Variants in IL19 observed in about 807,000 individuals in gnomAD.
IL19 encodes the protein interleukin 19.
In IL19, 15 loss-of-function variants were observed where a neutral mutation model predicts 19.5. The observed-to-expected ratio is 0.77, with a 90% CI of 0.52 to 1.19. The LOEUF (loss-of-function observed/expected upper bound fraction) is 1.19, where lower values mean the gene tolerates loss of function less well. Among genes scored for constraint, IL19 ranks in the 50% most tolerant of loss-of-function variants. The pLI is 0.00. For synonymous variants in IL19, 78 were observed against 78.3 expected (o/e 1.00, Z 0.02); for missense variants, 199 against 213.1 (o/e 0.93, Z 0.41).
chr1:206,842,123 C>T (rs1325339473), intron 6 of IL19, among the ~76,000 whole-genome samples: 2 of 152,154 alleles, frequency 1.3e-5, no homozygotes, highest in African/African-American at 2.4e-5. Flanking sequence ...GGACAACATG[C>T]TCTCCCTACC....
At chr1:206,803,887 C>T (rs1266997742) in intron 2 of IL19, among the ~76,000 whole-genome samples, 1 of 152,178 alleles carries the variant, frequency 6.6e-6, no homozygotes, top group South Asian at 2.1e-4. Context: ...GGACTCTGTG[C>T]AAAGCCCCCT....
intron 1 of IL19, among the ~76,000 whole-genome samples, chr1:206,793,137 C>T (rs1675444827): frequency 6.6e-6 from 1 of 152,252 alleles, no homozygotes; most frequent in Non-Finnish European, 1.5e-5. Flanking sequence ...TGACAATCCT[C>T]AGGGTTGGTC....
rs1285945244 is a variant in IL19, at chr1:206,835,255, G to A, written c.-2-1406G>A. Among the ~76,000 whole-genome samples the A allele has an allele frequency of 2.0e-5, 3 of 152,190 alleles. No individual in the cohort carries two copies. In the East Asian group the frequency reaches 5.8e-4, roughly 29 times the overall value. ...TCTAGAAGCACCCCAGTAGCGTTCT[G>A]AGGAGACAGAGCTCTGGGGGACTCT... is the stretch of plus-strand genomic sequence containing the variant. On this transcript the variant is annotated intron_variant, in intron 2 of 6. Transcript: ENST00000659997.
intron 1 of IL19, among the ~76,000 whole-genome samples, chr1:206,796,106 T>C (rs897938815): frequency 1.3e-5 from 2 of 152,056 alleles, no homozygotes; most frequent in African/African-American, 4.8e-5. Flanking sequence ...TAGATTCTAG[T>C]TCAGGTCTGA....
chr1:206,823,750 CG>C (rs1265528087), intron 2 of IL19, among the ~76,000 whole-genome samples: 1 of 152,104 alleles, frequency 6.6e-6, no homozygotes, highest in Non-Finnish European at 1.5e-5. Context: ...TAACACTCTC[CG>C]TTGTCTGGAG....
At chr1:206,777,175 G>A (rs554227617) in intron 1 of IL19, among the ~76,000 whole-genome samples, 1,500 of 143,568 alleles carry the variant, frequency 0.01, 21 homozygotes, top group African/African-American at 0.037. Context: ...AGCTTGCAGT[G>A]AGCCGAGATC....
intron 6 of IL19, among the ~76,000 whole-genome samples, chr1:206,841,692 T>C (rs1337811833): frequency 6.6e-6 from 1 of 152,250 alleles, no homozygotes; most frequent in Non-Finnish European, 1.5e-5. Flanking sequence ...GAGTCTGTTA[T>C]GGGCTCTGCT....
chr1:206,837,037 T>C lies in IL19; in HGVS notation c.210+14T>C, dbSNP rs1431542025. On this transcript the variant is annotated intron_variant, in intron 4 of 6. Coordinates refer to ENST00000659997, the MANE Select transcript of IL19 (RefSeq NM_153758.5). ...CAGATCATTAAGGTATTGGCCTGTG[T>C]CTGCTTTTTCCAGTATTTTTATCTT... is the stretch of plus-strand genomic sequence containing the variant. 2 of 1,601,898 alleles carry C rather than the reference T, an allele frequency of 1.2e-6. No individual in the cohort carries two copies. Among genetic ancestry groups the C allele is most frequent in the Non-Finnish European group, 1.7e-6 (2 of 1,169,322 alleles).
intron 2 of IL19, among the ~76,000 whole-genome samples, chr1:206,800,150 T>C (rs1675643582): frequency 6.6e-6 from 1 of 152,246 alleles, no homozygotes; most frequent in African/African-American, 2.4e-5. Context: ...CCAATTTTTA[T>C]TGAGTGCCTT....
intron 4 of IL19, among the ~76,000 whole-genome samples, 180 bp downstream of exon 4, chr1:206,837,203 C>A (rs893314506): frequency 6.6e-6 from 1 of 152,034 alleles, no homozygotes. Flanking sequence ...GGATATGTAA[C>A]CCCTGGGAGG....
Position 206,836,795 on chromosome 1 carries a change from A to C in IL19, c.133A>C (p.Lys45Gln). Residue 45 changes from lysine to glutamine, a missense_variant, in exon 3 of 7, where the codon AAA (lysine) becomes CAA (glutamine). Physicochemically the swap from Lys to Gln is moderately conservative, Grantham distance 53. Transcript: ENST00000659997. ...HHIEESFQEI[K>Q]RAIQAKDTFP... ...TATAGAAGAGAGTTTCCAAGAAATC[A>C]AAAGAGCCATCGTGAGTATGGGTTG... The C allele has an allele frequency of 6.2e-7, 1 of 1,614,168 alleles. No individual in the cohort carries two copies. Among genetic ancestry groups the C allele is most frequent in the South Asian group, 1.1e-5 (1 of 91,074 alleles).
At chr1:206,829,814 C>A (rs1160877521) in intron 2 of IL19, among the ~76,000 whole-genome samples, 14 of 152,140 alleles carry the variant, frequency 9.2e-5, no homozygotes. Context: ...AGCCCATTGA[C>A]ATAAGATGTG....
chr1:206,837,768 C>T (rs770029919), intron 4 of IL19, among the ~76,000 whole-genome samples: 4 of 152,118 alleles, frequency 2.6e-5, no homozygotes, highest in Admixed American at 1.3e-4. Flanking sequence ...GGGAGGATTG[C>T]TTGAGCCTGG....
chr1:206,775,072 GCT>G (rs1264578779), intron 1 of IL19, among the ~76,000 whole-genome samples: 1 of 150,778 alleles, frequency 6.6e-6, no homozygotes, highest in Non-Finnish European at 1.5e-5. Context: ...ACAGAGTCTC[GCT>G]CTGTTGCCCA....
At chr1:206,772,249 G>T in intron 1 of IL19, 1 of 1,608,602 alleles carries the variant, frequency 6.2e-7, no homozygotes, top group South Asian at 1.1e-5. Context: ...AGAGAGAAAG[G>T]ACAGGAAGGA....
intron 1 of IL19, among the ~76,000 whole-genome samples, chr1:206,791,751 G>T (rs1675410070): frequency 6.6e-6 from 1 of 152,160 alleles, no homozygotes; most frequent in African/African-American, 2.4e-5. Flanking sequence ...CTCATCAGAG[G>T]CTCCTTTCTC....
intron 1 of IL19, among the ~76,000 whole-genome samples, chr1:206,784,332 G>T (rs1675214610): frequency 6.6e-6 from 1 of 152,016 alleles, no homozygotes; most frequent in Admixed American, 6.5e-5. Context: ...TGTTCCCCTC[G>T]GCAGGAGCGA....
chr1:206,779,576 A>G (rs925093815), intron 1 of IL19, among the ~76,000 whole-genome samples: 3 of 152,168 alleles, frequency 2.0e-5, no homozygotes, highest in African/African-American at 7.2e-5. Context: ...TCCATTCTCT[A>G]GACCGTTCTC....
chr1:206,780,226 G>A (rs754318824), intron 1 of IL19, among the ~76,000 whole-genome samples: 4 of 152,040 alleles, frequency 2.6e-5, no homozygotes, highest in Non-Finnish European at 5.9e-5. Context: ...TCATTTGATT[G>A]ACCTCTGTCT....
Sources: gnomAD v4.1 joint callset for allele counts (sites outside exome capture counted in the v4.1 genomes callset) on GRCh38, gnomAD v4.1.1 for gene constraint, MANE v1.5 for transcripts, NCBI Gene and HGNC (gene_info 2026-07-23, HGNC 2026-07-21) for gene names.